GPR89B: variants seen among roughly 807,000 people sequenced by gnomAD.
The protein encoded by GPR89B is G protein-coupled receptor 89B.
A neutral mutation model predicts 52.4 loss-of-function variants in GPR89B; 25 were observed. The ratio of observed to expected loss-of-function variants is 0.48; its 90% CI spans 0.35 to 0.67. The LOEUF (loss-of-function observed/expected upper bound fraction) is 0.67, where lower values mean the gene tolerates loss of function less well. GPR89B is among the 30% of genes least tolerant of loss of function. The pLI is 0.01. For missense variants in GPR89B, 146 were observed against 450.2 expected, an observed-to-expected ratio of 0.32 and a Z score of 6.11; for synonymous variants, 52 against 151.2, an observed-to-expected ratio of 0.34 and a Z score of 4.81.
the GPR89B span, among the ~76,000 whole-genome samples, chr1:148,016,283 C>T: frequency 1.5e-5 from 1 of 67,546 alleles, no homozygotes; most frequent in Non-Finnish European, 2.9e-5. Flanking sequence ...GTCCTTACTT[C>T]ACTTCCAGTT....
At chr1:147,948,114 T>G (rs1352063206) in intron 5 of GPR89B, among the ~76,000 whole-genome samples, 1 of 150,460 alleles carries the variant, frequency 6.6e-6, no homozygotes, top group Non-Finnish European at 1.5e-5. Context: ...CATCAAGGAG[T>G]GAACAGGTTG....
the GPR89B span, among the ~76,000 whole-genome samples, chr1:147,999,074 G>A: frequency 1.3e-5 from 2 of 151,492 alleles, no homozygotes; most frequent in African/African-American, 4.9e-5. Context: ...CTTCTTTTTC[G>A]ATCAAAGTTC....
At chr1:147,959,808 T>C (rs1326758893) in intron 7 of GPR89B, among the ~76,000 whole-genome samples, 2 of 152,066 alleles carry the variant, frequency 1.3e-5, no homozygotes, top group African/African-American at 4.8e-5. Flanking sequence ...TTGGTGCGAT[T>C]TGCAAGGTTG....
At position 147,936,671 on chromosome 1, in the gene GPR89B, G is replaced by C. The variant is rs1654117775; in HGVS notation, c.87G>C (p.Leu29Phe). The change falls in exon 2 of 14, where the codon TTG (leucine) becomes TTC (phenylalanine). Residue 29 changes from leucine to phenylalanine, a missense_variant. Coordinates refer to ENST00000314163, the MANE Select transcript of GPR89B (RefSeq NM_016334.5). ...GFGWLFFMRQ[L>F]FKDYEIRQYV... ...GGTGGCTTTTCTTCATGCGCCAATT[G>C]TTTAAAGACTATGAGGTGAGAAGAA... 1.9e-6 allele frequency: 3 copies of C among 1,610,846 alleles called. No individual in the cohort carries two copies. In the South Asian group the frequency reaches 3.3e-5, roughly 18 times the overall value.
intron 5 of GPR89B, among the ~76,000 whole-genome samples, chr1:147,945,722 A>G (rs1233444091): frequency 2.0e-5 from 3 of 151,084 alleles, no homozygotes; most frequent in Admixed American, 6.6e-5. Flanking sequence ...AATTATTTCA[A>G]GTTTCTTTTT....
rs1411478850 is a variant in GPR89B, at chr1:147,964,032, G to T, written c.618-2522G>T. On this transcript the variant is annotated intron_variant, in intron 7 of 13. Coordinates refer to ENST00000314163, the MANE Select transcript of GPR89B (RefSeq NM_016334.5). ...TGGTTGCCGGAATTAAGGAATTGGA[G>T]GTGGGAGGGAGGTAAGCTGTACAGG... is the stretch of plus-strand genomic sequence containing the variant. 3.6e-3 allele frequency among the ~76,000 whole-genome samples: 545 copies of T among 152,036 alleles called. 4 individuals are homozygous for T. The highest frequency in any genetic ancestry group is 0.012 in the African/African-American group (514 of 41,332).
At chr1:148,007,216 C>G in the GPR89B span, among the ~76,000 whole-genome samples, 1 of 144,126 alleles carries the variant, frequency 6.9e-6, no homozygotes, top group African/African-American at 2.6e-5. Flanking sequence ...GCTGGAACTA[C>G]AGGCGCCCAC....
intron 2 of GPR89B, among the ~76,000 whole-genome samples, chr1:147,937,202 G>T (rs1312798681): frequency 2.0e-5 from 3 of 151,480 alleles, no homozygotes; most frequent in Admixed American, 6.6e-5. Context: ...TCACATATTG[G>T]TAGGACCGTG....
chr1:147,946,454 C>G (rs1571241699), intron 5 of GPR89B, among the ~76,000 whole-genome samples: 1 of 152,244 alleles, frequency 6.6e-6, no homozygotes, highest in Middle Eastern at 3.4e-3. Context: ...ATCAGCATGC[C>G]TATGTCAATG....
chr1:148,012,919 A>G, the GPR89B span, among the ~76,000 whole-genome samples: 1 of 152,064 alleles, frequency 6.6e-6, no homozygotes, highest in South Asian at 2.1e-4. Context: ...ATTATTTTTT[A>G]TTGTAAAATA....
At chr1:147,968,575 G>T in intron 8 of GPR89B, 2 of 478,150 alleles carry the variant, frequency 4.2e-6, no homozygotes, top group Admixed American at 3.3e-5. Context: ...CATTACATTT[G>T]ACTTAATCTA....
chr1:147,955,471 G>A (rs2796979), intron 7 of GPR89B, among the ~76,000 whole-genome samples: 3 of 151,782 alleles, frequency 2.0e-5, no homozygotes, highest in African/African-American at 4.8e-5. Flanking sequence ...CAGTTTTTTT[G>A]GGAACCTCCA....
chr1:147,940,792 A>C (rs1363944005), intron 3 of GPR89B, among the ~76,000 whole-genome samples: 1 of 151,896 alleles, frequency 6.6e-6, no homozygotes, highest in Non-Finnish European at 1.5e-5. Context: ...GGATTCAGAT[A>C]TTCTAAAGCT....
the GPR89B span, among the ~76,000 whole-genome samples, chr1:148,012,587 C>G: frequency 6.7e-6 from 1 of 150,146 alleles, no homozygotes; most frequent in African/African-American, 2.5e-5. Flanking sequence ...CAGGCAAGGA[C>G]AGCAGAACAC....
At chr1:147,932,413 G>T (rs1653723815) in intron 1 of GPR89B, among the ~76,000 whole-genome samples, 2 of 151,988 alleles carry the variant, frequency 1.3e-5, no homozygotes, top group African/African-American at 4.8e-5. Flanking sequence ...GAGGCCTGAA[G>T]GCTACTATAG....
chr1:148,004,887 ACAC>A, the GPR89B span, among the ~76,000 whole-genome samples: 1 of 33,038 alleles, frequency 3.0e-5, no homozygotes, highest in Non-Finnish European at 5.5e-5. Context: ...TCTCTACAAA[ACAC>A]ACACACACAC....
At chr1:147,950,609 C>T (rs1485382928) in intron 5 of GPR89B, among the ~76,000 whole-genome samples, 10 of 152,290 alleles carry the variant, frequency 6.6e-5, no homozygotes, top group Non-Finnish European at 1.3e-4. Flanking sequence ...TGTAGTGAGC[C>T]GAGATCACGC....
chr1:147,935,243 T>G (rs1349344102), intron 1 of GPR89B, among the ~76,000 whole-genome samples: 3 of 151,796 alleles, frequency 2.0e-5, no homozygotes, highest in Non-Finnish European at 4.4e-5. Flanking sequence ...GGTCTCGATG[T>G]GAAAGAATAT....
the GPR89B span, among the ~76,000 whole-genome samples, chr1:148,004,387 G>C: frequency 6.7e-6 from 1 of 149,272 alleles, no homozygotes; most frequent in East Asian, 2.0e-4. Flanking sequence ...GGATGGTCTC[G>C]ATCTCCTGAC....
Sources: allele counts gnomAD v4.1 joint callset (sites outside exome capture counted in the v4.1 genomes callset), GRCh38; gene constraint gnomAD v4.1.1; transcripts MANE v1.5; gene names NCBI Gene and HGNC (gene_info 2026-07-23, HGNC 2026-07-21).